The following ZFP64 variants were observed in gnomAD, a reference collection of about 807,000 sequenced individuals.
ZFP64 encodes the protein zinc finger protein 64.
Under a neutral mutation model 51.6 loss-of-function variants are expected in ZFP64, and 14 were observed. That is an observed-to-expected ratio of 0.27 (90% CI 0.18 to 0.42). The LOEUF is 0.42. ZFP64 is among the 10% of genes least tolerant of loss of function. The pLI is 1.00. For synonymous variants in ZFP64, 375 were observed against 361.4 expected, an observed-to-expected ratio of 1.04 and a Z score of -0.43; for missense variants, 754 against 906.8, an observed-to-expected ratio of 0.83 and a Z score of 2.16.
chr20:52,164,593 A>T, intron 4 of ZFP64, 102 bp downstream of exon 4: 1 of 967,638 alleles, frequency 1.0e-6, no homozygotes, highest in East Asian at 2.4e-5. Context: ...CATAACAGCC[A>T]GTGACGTTTG....
intron 6 of ZFP64, chr20:52,098,401 C>A: frequency 6.2e-7 from 1 of 1,610,308 alleles, no homozygotes; most frequent in Non-Finnish European, 8.5e-7. Flanking sequence ...CAGTGCTTGG[C>A]TCAGAAGCGG....
At chr20:52,149,763 ATGTATGTATG>A (rs1267626489), downstream of ZFP64, among the ~76,000 whole-genome samples, 2 of 152,210 alleles carry the variant, frequency 1.3e-5, no homozygotes, top group Admixed American at 1.3e-4. Flanking sequence ...ATGTGTATGT[ATGTATGTATG>A]TGTATGTATT....
intron 5 of ZFP64, among the ~76,000 whole-genome samples, chr20:52,133,149 T>C (rs1245956713): frequency 6.6e-6 from 1 of 152,168 alleles, no homozygotes; most frequent in Non-Finnish European, 1.5e-5. Context: ...TTGATAAAAT[T>C]CAGCATCCCT....
At chr20:52,086,505 TCTCA>T (rs2078866249) in intron 8 of ZFP64, among the ~76,000 whole-genome samples, 1 of 149,702 alleles carries the variant, frequency 6.7e-6, no homozygotes, top group Admixed American at 6.7e-5. Context: ...TGATACAGAG[TCTCA>T]CTCTGTCGCC....
At chr20:52,099,675 A>G (rs1011584573) in intron 5 of ZFP64, among the ~76,000 whole-genome samples, 1 of 152,248 alleles carries the variant, frequency 6.6e-6, no homozygotes, top group African/African-American at 2.4e-5. Context: ...TGAAACATTT[A>G]CAAGTTGTAT....
In ZFP64 at chr20:52,191,582, A is replaced by G; in HGVS notation, c.46+9T>C. On this transcript the variant is annotated intron_variant, in intron 1 of 5. Coordinates refer to ENST00000216923, the MANE Select transcript of ZFP64 (RefSeq NM_018197.3). This position sits in a 1 kb window ranked among gnomAD's most constrained non-coding sequence, Gnocchi z 4.3. ...CCGGAGCGCGCACTGCTCCCGGAAA[A>G]GCACTTACTTTGCACCGAGCCCGCG... The G allele has an allele frequency of 6.3e-7, 1 of 1,576,834 alleles. No individual in the cohort carries two copies. The highest frequency in any genetic ancestry group is 8.6e-7 in the Non-Finnish European group (1 of 1,165,188).
chr20:52,165,203 C>G lies in ZFP64; in HGVS notation c.449-446G>C, dbSNP rs768082744. 8.8e-6 allele frequency: 4 copies of G among 456,916 alleles called. No individual in the cohort carries two copies. In the Admixed American group the frequency reaches 9.4e-5, roughly 11 times the overall value. 28.3% of individuals were successfully genotyped at this position (456,916 alleles called of 1,614,324 possible). ...AGGACATCGGTGGGACACTTGATGA[C>G]GAAATCTGACTAAGGTCAGTAGGTT... On this transcript the variant is annotated intron_variant, in intron 3 of 5. Coordinates refer to ENST00000216923, the MANE Select transcript of ZFP64 (RefSeq NM_018197.3).
chr20:52,102,524 G>A (rs770839415), intron 5 of ZFP64, among the ~76,000 whole-genome samples: 2 of 152,154 alleles, frequency 1.3e-5, no homozygotes, highest in Non-Finnish European at 2.9e-5. Context: ...CCCATCCTAT[G>A]TCCCTCAGGG....
chr20:52,113,266 G>A (rs1433138144), intron 5 of ZFP64, among the ~76,000 whole-genome samples: 7 of 151,818 alleles, frequency 4.6e-5, no homozygotes, highest in East Asian at 2.0e-4. Flanking sequence ...CCCGGGAGGC[G>A]GAGCTTGCAG....
chr20:52,159,471 A>G (rs547117527), intron 5 of ZFP64, among the ~76,000 whole-genome samples: 3 of 152,336 alleles, frequency 2.0e-5, no homozygotes, highest in African/African-American at 7.2e-5. Flanking sequence ...AAGTTATAGA[A>G]AGAGATATAC....
chr20:52,167,828 C>T (rs1600791455), intron 2 of ZFP64, among the ~76,000 whole-genome samples: 2 of 152,152 alleles, frequency 1.3e-5, no homozygotes, highest in Non-Finnish European at 1.5e-5. Context: ...CAACACAGGC[C>T]TAACATCACT....
Position 52,153,037 on chromosome 20 carries a change from G to A in ZFP64, c.1155C>T (p.Asn385=). The change falls in exon 6 of 6, where the codon AAC becomes AAT. Residue 385 remains asparagine (N), a synonymous_variant. Coordinates refer to ENST00000216923, the MANE Select transcript of ZFP64 (RefSeq NM_018197.3). The surrounding 1 kb of genome is among the most constrained non-coding windows in gnomAD (Gnocchi z 5.1). Reference sequence around the variant, plus strand: ...GGAACTTCTTCATGTGCTTGCTCAGGTTGCTGGGCTGTTTGGTGTCGAAGC... The same window carrying A: ...GGAACTTCTTCATGTGCTTGCTCAGATTGCTGGGCTGTTTGGTGTCGAAGC... ...YCSFDTKQPS[N]LSKHMKKFHG... The A allele has an allele frequency of 6.2e-7, 1 of 1,614,078 alleles. No homozygotes were observed. Among genetic ancestry groups the A allele is most frequent in the Non-Finnish European group, 8.5e-7 (1 of 1,180,044 alleles).
In ZFP64 at chr20:52,153,325, G is replaced by A. The variant is rs771173936; in HGVS notation, c.867C>T (p.Cys289=). The change falls in exon 6 of 6, where the codon TGC becomes TGT. Residue 289 remains cysteine (C), a synonymous_variant. Transcript: ENST00000216923. This position sits in a 1 kb window ranked among gnomAD's most constrained non-coding sequence, Gnocchi z 5.1. ...TGGTGCAGCGGACATTGCAGAACTC[G>A]CACTTGAAAGGCTTCTCCCCCGAGT... ...RVHSGEKPFK[C]EFCNVRCTMK... 35 of 1,614,048 alleles carry A rather than the reference G, an allele frequency of 2.2e-5. 1 individual carries two copies. The highest frequency in any genetic ancestry group is 2.0e-4 in the South Asian group (18 of 91,082).
At chr20:52,162,927 T>C (rs535153241) in intron 4 of ZFP64, among the ~76,000 whole-genome samples, 1 of 152,096 alleles carries the variant, frequency 6.6e-6, no homozygotes. Flanking sequence ...AACTTGAAAA[T>C]GTAGACAGAG....
chr20:52,144,778 T>G (rs1980443767), intron 5 of ZFP64, among the ~76,000 whole-genome samples: 1 of 151,712 alleles, frequency 6.6e-6, no homozygotes, highest in African/African-American at 2.4e-5. Context: ...ACAAGAAAGG[T>G]GGTGGACCCC....
At chr20:52,167,186 A>G (rs1012918825) in intron 2 of ZFP64, among the ~76,000 whole-genome samples, 2 of 151,866 alleles carry the variant, frequency 1.3e-5, no homozygotes, top group Non-Finnish European at 2.9e-5. Flanking sequence ...TTAGCTGGGC[A>G]TGGTGGCGGG....
In ZFP64 at chr20:52,099,172, C is replaced by G. The variant is rs2079024845; in HGVS notation, c.764-585G>C. Among the ~76,000 whole-genome samples, 8 of 152,036 alleles carry G rather than the reference C, an allele frequency of 5.3e-5. No individual in the cohort carries two copies. In the South Asian group the frequency reaches 6.2e-4, roughly 12 times the overall value. ...GAGTACTTCTTAAATGGCATGAAGA[C>G]CTAGTTTTTTCTAACAATTTCTAAT... On this transcript the variant is annotated intron_variant, in intron 5 of 8. Transcript: ENST00000361387.
intron 6 of ZFP64, chr20:52,097,453 A>ATTTTT (rs11309611): frequency 1.4e-6 from 2 of 1,443,178 alleles, no homozygotes; most frequent in East Asian, 2.4e-5. Context: ...AGAAAAATAG[A>ATTTTT]TTTTTTTTTT....
At chr20:52,092,173 A>C (rs1354337718) in intron 7 of ZFP64, among the ~76,000 whole-genome samples, 2 of 152,220 alleles carry the variant, frequency 1.3e-5, no homozygotes, top group Admixed American at 6.5e-5. Flanking sequence ...CTTAAGAAGG[A>C]AGGCTTAGCT....
Sources: allele counts gnomAD v4.1 joint callset (sites outside exome capture counted in the v4.1 genomes callset), GRCh38; gene constraint gnomAD v4.1.1; non-coding constraint Gnocchi (gnomAD v3.1); transcripts MANE v1.5; gene names NCBI Gene and HGNC (gene_info 2026-07-23, HGNC 2026-07-21).